SLC10A7: variants seen among roughly 807,000 people sequenced by gnomAD.
SLC10A7 encodes solute carrier family 10 member 7, also known as sodium/bile acid cotransporter 7.
Under a neutral mutation model 43.2 loss-of-function variants are expected in SLC10A7, and 29 were observed. The ratio of observed to expected loss-of-function variants is 0.67; its 90% CI spans 0.50 to 0.92. The LOEUF (loss-of-function observed/expected upper bound fraction) is 0.92. Ranked by LOEUF, SLC10A7 falls within the 40% of genes least tolerant of loss-of-function variation. The probability of loss-of-function intolerance (pLI) is 0.00; values close to 1 mark genes in which losing one functional copy is unlikely to be tolerated. For synonymous variants in SLC10A7, 152 were observed against 144.8 expected (o/e 1.05, Z -0.35); for missense variants, 295 against 403.2 (o/e 0.73, Z 2.30).
intron 4 of SLC10A7, among the ~76,000 whole-genome samples, chr4:146,464,218 A>G (rs1272034310): frequency 6.6e-6 from 1 of 152,166 alleles, no homozygotes; most frequent in Non-Finnish European, 1.5e-5. Flanking sequence ...AACAGTCTAT[A>G]AGAAGAATGT....
intron 4 of SLC10A7, among the ~76,000 whole-genome samples, chr4:146,449,283 G>C (rs1731368853): frequency 6.6e-6 from 1 of 152,112 alleles, no homozygotes. Flanking sequence ...ACAATGGTAG[G>C]GCAAGGAGAG....
In SLC10A7 at chr4:146,256,501, G is replaced by T. The variant is rs758686469; in HGVS notation, c.1013C>A (p.Pro338Gln). ...AGTCCACCTCCTTTGTTATACTGTC[G>T]GCCTTGTCAGCTTCACTCCCTACAA... Reference protein sequence around the residue: ...SRQKGVKLTRPTV With the variant: ...SRQKGVKLTRQTV The change falls in exon 12 of 12, where the codon CCG (proline) becomes CAG (glutamine). Residue 338 changes from proline to glutamine, a missense_variant. This residue lies in a region of SLC10A7 where 242 missense variants were observed against 362.5 expected (regional missense o/e 0.67). Transcript: ENST00000335472. 1 of 1,613,762 alleles carries T rather than the reference G, an allele frequency of 6.2e-7. No homozygotes were observed. The highest frequency in any genetic ancestry group is 1.1e-5 in the South Asian group (1 of 91,056).
intron 4 of SLC10A7, among the ~76,000 whole-genome samples, chr4:146,476,410 T>G (rs753960932): frequency 7.2e-5 from 11 of 152,140 alleles, no homozygotes; most frequent in Non-Finnish European, 1.5e-4. Context: ...GTCAGCAGTA[T>G]TGACAACTTC....
chr4:146,351,139 A>G (rs1433794408), intron 5 of SLC10A7, among the ~76,000 whole-genome samples: 13 of 148,750 alleles, frequency 8.7e-5, no homozygotes, highest in South Asian at 2.1e-4. Context: ...TTTGAAAAAA[A>G]TTTAGAAGAA....
At chr4:146,478,182 T>C (rs1474548405) in intron 4 of SLC10A7, 1 of 152,256 alleles carries the variant, frequency 6.6e-6, no homozygotes, top group Non-Finnish European at 1.5e-5. Flanking sequence ...ACGCGGTTTC[T>C]GTTGCCTACC....
At chr4:146,336,736 A>G (rs79462328) in intron 5 of SLC10A7, among the ~76,000 whole-genome samples, 11,437 of 152,058 alleles carry the variant, frequency 0.075, 534 homozygotes, top group South Asian at 0.19. Flanking sequence ...AAAGGGATGG[A>G]GATCAGTGCA....
intron 4 of SLC10A7, among the ~76,000 whole-genome samples, chr4:146,457,236 CTTTTA>C (rs1281573645): frequency 1.3e-5 from 2 of 151,050 alleles, no homozygotes; most frequent in African/African-American, 4.9e-5. Flanking sequence ...CTATTCTTTC[CTTTTA>C]TTTTAATTTT....
intron 5 of SLC10A7, among the ~76,000 whole-genome samples, chr4:146,360,951 C>G (rs1343686985): frequency 1.3e-5 from 2 of 152,068 alleles, no homozygotes; most frequent in Non-Finnish European, 2.9e-5. Context: ...ATTCTCTGGG[C>G]TGGGCCTCTG....
At chr4:146,496,186 G>A (rs766155162) in intron 4 of SLC10A7, among the ~76,000 whole-genome samples, 5 of 151,998 alleles carry the variant, frequency 3.3e-5, no homozygotes, top group Admixed American at 6.6e-5. Context: ...ACTACGTTTC[G>A]CCTATTTTTG....
At position 146,264,425 on chromosome 4, in the gene SLC10A7, GCTTA is replaced by G. The variant is rs574047915; in HGVS notation, c.848-5592_848-5589del. On this transcript the variant is annotated intron_variant, in intron 10 of 11. Transcript: ENST00000335472. ...GATCTACTTTACATTATTGTTCAGA[GCTTA>G]CTTACTTGTGTAGGTGTGCTATGTT... is the stretch of plus-strand genomic sequence containing the variant. 2.3e-4 allele frequency among the ~76,000 whole-genome samples: 35 copies of G among 152,152 alleles called. 1 individual carries two copies. The South Asian group carries it at 6.7e-3, about 29-fold the overall frequency.
chr4:146,366,106 AC>A (rs1736372790), intron 5 of SLC10A7, among the ~76,000 whole-genome samples: 1 of 152,116 alleles, frequency 6.6e-6, no homozygotes, highest in South Asian at 2.1e-4. Context: ...CACCAGCCTC[AC>A]CCCATGGAAA....
At chr4:146,445,399 C>A (rs4835308) in intron 4 of SLC10A7, among the ~76,000 whole-genome samples, 60 of 152,262 alleles carry the variant, frequency 3.9e-4, no homozygotes, top group Admixed American at 3.5e-3. Flanking sequence ...CTGGAACTGG[C>A]CGGTCGCACC....
chr4:146,500,987 C>G (rs1019521223), intron 4 of SLC10A7, among the ~76,000 whole-genome samples: 2 of 152,192 alleles, frequency 1.3e-5, no homozygotes, highest in African/African-American at 4.8e-5. Context: ...CACATGGCTT[C>G]CAGGACACCT....
intron 5 of SLC10A7, among the ~76,000 whole-genome samples, chr4:146,379,001 G>C: frequency 6.6e-6 from 1 of 152,094 alleles, no homozygotes; most frequent in Non-Finnish European, 1.5e-5. Flanking sequence ...GAGCCTTTCA[G>C]GGTATTGACC....
chr4:146,471,517 C>T (rs887411466), intron 4 of SLC10A7, among the ~76,000 whole-genome samples: 12 of 152,146 alleles, frequency 7.9e-5, no homozygotes, highest in Non-Finnish European at 1.3e-4. Flanking sequence ...GCTAAAGTCA[C>T]TCCTATTTGG....
chr4:146,442,907 A>G, intron 4 of SLC10A7, 86 bp from the exon 5 acceptor site: 1 of 930,298 alleles, frequency 1.1e-6, no homozygotes, highest in Non-Finnish European at 1.6e-6. Flanking sequence ...CCCCTCCCCC[A>G]CTATTCAAAA....
chr4:146,354,383 A>G (rs1735398638), intron 5 of SLC10A7, among the ~76,000 whole-genome samples: 1 of 152,182 alleles, frequency 6.6e-6, no homozygotes. Flanking sequence ...TCAAGGAAAT[A>G]AAAGAGGACA....
intron 5 of SLC10A7, among the ~76,000 whole-genome samples, chr4:146,441,204 A>G (rs1015237285): frequency 1.3e-4 from 20 of 152,340 alleles, no homozygotes; most frequent in African/African-American, 4.8e-4. Flanking sequence ...AGGAAGACTA[A>G]GAAGTGAGAA....
intron 2 of SLC10A7, among the ~76,000 whole-genome samples, chr4:146,511,128 G>T (rs1163796128): frequency 6.6e-6 from 1 of 152,104 alleles, no homozygotes; most frequent in Non-Finnish European, 1.5e-5. Flanking sequence ...GCAAACCCAT[G>T]CCTGCTTCTC....
Sources: allele counts gnomAD v4.1 joint callset (sites outside exome capture counted in the v4.1 genomes callset), GRCh38; gene constraint gnomAD v4.1.1; regional missense constraint gnomAD v4.1.1; transcripts MANE v1.5; gene names NCBI Gene and HGNC (gene_info 2026-07-23, HGNC 2026-07-21).